The following EPAS1 variants were observed in gnomAD, a reference collection of about 807,000 sequenced individuals.
EPAS1 encodes the protein endothelial PAS domain protein 1.
In EPAS1, 23 loss-of-function variants were observed where a neutral mutation model predicts 87.9. That is an observed-to-expected ratio of 0.26 (90% CI 0.19 to 0.37). The LOEUF (loss-of-function observed/expected upper bound fraction) is 0.37, where lower values mean the gene tolerates loss of function less well. Among genes scored for constraint, EPAS1 ranks in the 10% least tolerant of loss-of-function variants. EPAS1 has a pLI of 1.00. For synonymous variants in EPAS1, 508 were observed against 444.3 expected, an observed-to-expected ratio of 1.14 and a Z score of -1.80; for missense variants, 1,138 against 1,120.7, an observed-to-expected ratio of 1.02 and a Z score of -0.22.
intron 1 of EPAS1, among the ~76,000 whole-genome samples, chr2:46,309,780 G>A (rs974788994): frequency 1.3e-5 from 2 of 152,218 alleles, no homozygotes; most frequent in African/African-American, 2.4e-5. Flanking sequence ...GGCCTGGGCT[G>A]GTGTTGGGAA....
chr2:46,369,413 T>C (rs1684575952), intron 6 of EPAS1, among the ~76,000 whole-genome samples: 1 of 152,216 alleles, frequency 6.6e-6, no homozygotes, highest in Admixed American at 6.5e-5. Flanking sequence ...CCAGTTTTCA[T>C]TCTTGCTCTG....
rs1370002195 is a variant in EPAS1, at chr2:46,378,712, T to A, written c.1499T>A (p.Val500Glu). ...TSLDNDLKIE[V>E]IEKLFAMDTE... ...TTGGATAACGACCTGAAGATTGAAG[T>A]GATTGAGAAGCTCTTCGCCATGGAC... Residue 500 changes from valine to glutamate, a missense_variant, in exon 11 of 16, where the codon GTG (valine) becomes GAG (glutamate). Physicochemically the swap from Val to Glu is moderately radical, Grantham distance 121. Coordinates refer to ENST00000263734, the MANE Select transcript of EPAS1 (RefSeq NM_001430.5). 1.9e-6 allele frequency: 3 copies of A among 1,614,122 alleles called. No individual in the cohort carries two copies. The highest frequency in any genetic ancestry group is 2.5e-6 in the Non-Finnish European group (3 of 1,180,008).
rs13006131 is a variant in EPAS1 at position 46,381,403 on chromosome 2, C to G, written c.2046-193C>G. ...CCAGGAGGCTTGAGCCCTTCAGCAT[C>G]TTATAGCTGAGGAAGGAGACAGAGC... On this transcript the variant is annotated intron_variant, in intron 12 of 15. Coordinates refer to ENST00000263734, the MANE Select transcript of EPAS1 (RefSeq NM_001430.5). 0.42 allele frequency: 345,421 copies of G among 816,310 alleles called. 79,988 individuals are homozygous for G. Among genetic ancestry groups the G allele is most frequent in the Non-Finnish European group, 0.5 (248,291 of 500,170 alleles). The allele number at this position is 816,310 out of a possible 1,614,324, so 50.6% of individuals were successfully genotyped here. A position where few individuals can be genotyped will look rare whatever the true frequency, so the allele number is the denominator to read the frequency against.
At chr2:46,301,733 C>T (rs1683004093) in intron 1 of EPAS1, among the ~76,000 whole-genome samples, 3 of 151,912 alleles carry the variant, frequency 2.0e-5, no homozygotes, top group African/African-American at 7.2e-5. Context: ...AACTCTCAAA[C>T]CGCTGAACCT....
chr2:46,326,138 C>G (rs888320317), intron 1 of EPAS1, among the ~76,000 whole-genome samples: 1 of 152,210 alleles, frequency 6.6e-6, no homozygotes. Context: ...TAGCCTAGTT[C>G]TCCCTCCTGT....
intron 1 of EPAS1, among the ~76,000 whole-genome samples, chr2:46,328,742 T>A (rs1558589221): frequency 6.6e-6 from 1 of 152,194 alleles, no homozygotes; most frequent in East Asian, 1.9e-4. Flanking sequence ...GGAGGACAGA[T>A]GGGGTCTTCA....
At chr2:46,384,444 G>T (rs1167009422) in intron 15 of EPAS1, 65 bp from the exon 16 acceptor site, 55 of 1,609,286 alleles carry the variant, frequency 3.4e-5, no homozygotes, top group Non-Finnish European at 4.6e-5. Context: ...CAGTCACAAA[G>T]AAGTAGACAC....
At chr2:46,372,303 G>A (rs1684643169) in intron 7 of EPAS1, among the ~76,000 whole-genome samples, 1 of 152,096 alleles carries the variant, frequency 6.6e-6, no homozygotes, top group Non-Finnish European at 1.5e-5. Flanking sequence ...CCTTGCCCCC[G>A]ACCCCTGTCT....
intron 1 of EPAS1, among the ~76,000 whole-genome samples, chr2:46,307,228 C>G (rs563532528): frequency 4.3e-4 from 65 of 152,246 alleles, no homozygotes; most frequent in Non-Finnish European, 8.7e-4. Context: ...CCTTGGTGCC[C>G]AGGGTGAAGG....
At chr2:46,361,831 G>T (rs1381539712) in intron 6 of EPAS1, among the ~76,000 whole-genome samples, 1 of 152,206 alleles carries the variant, frequency 6.6e-6, no homozygotes, top group Admixed American at 6.5e-5. Flanking sequence ...TGAAGCAGGT[G>T]GGGAAGAGAC....
intron 1 of EPAS1, among the ~76,000 whole-genome samples, chr2:46,314,807 C>T (rs1572616129): frequency 6.6e-6 from 1 of 152,196 alleles, no homozygotes; most frequent in South Asian, 2.1e-4. Context: ...ACTTGGAAGT[C>T]GCTGTTGGGC....
At chr2:46,363,469 T>TA (rs1684443278) in intron 6 of EPAS1, among the ~76,000 whole-genome samples, 1 of 152,188 alleles carries the variant, frequency 6.6e-6, no homozygotes, top group Admixed American at 6.5e-5. Flanking sequence ...CTGGAAGGGG[T>TA]AATTCAGCCT....
chr2:46,354,899 C>A (rs143452582), intron 2 of EPAS1, among the ~76,000 whole-genome samples: 121 of 152,240 alleles, frequency 7.9e-4, no homozygotes, highest in Middle Eastern at 3.4e-3. Flanking sequence ...AAGCTTGCTC[C>A]AGGTGTTTTC....
intron 1 of EPAS1, among the ~76,000 whole-genome samples, chr2:46,308,534 G>T (rs1195280184): frequency 5.3e-5 from 8 of 151,086 alleles, no homozygotes; most frequent in Admixed American, 1.3e-4. Flanking sequence ...TGTCCCTTGG[G>T]TTACTTGGAA....
intron 1 of EPAS1, among the ~76,000 whole-genome samples, chr2:46,308,020 C>G (rs80012431): frequency 6.9e-4 from 105 of 152,296 alleles, no homozygotes; most frequent in African/African-American, 2.4e-3. Flanking sequence ...ACCTTGCTGA[C>G]TGCAAGGGAC....
chr2:46,354,642 C>T (rs1404123046), intron 2 of EPAS1, among the ~76,000 whole-genome samples: 3 of 151,782 alleles, frequency 2.0e-5, no homozygotes, highest in Non-Finnish European at 4.4e-5. Context: ...GTACGGCCTG[C>T]TGAGAATGCA....
chr2:46,352,788 C>A (rs754756499), intron 2 of EPAS1, among the ~76,000 whole-genome samples: 2 of 152,226 alleles, frequency 1.3e-5, no homozygotes, highest in Non-Finnish European at 2.9e-5. Flanking sequence ...TCCTGGTCCT[C>A]CAGCCATTGT....
chr2:46,376,570 A>C lies in EPAS1; in HGVS notation c.1066A>C (p.Met356Leu). 1 of 1,614,156 alleles carries C rather than the reference A, an allele frequency of 6.2e-7. No individual in the cohort carries two copies. The highest frequency in any genetic ancestry group is 8.5e-7 in the Non-Finnish European group (1 of 1,180,014). The change falls in exon 9 of 16, where the codon ATG becomes CTG. Residue 356 changes from methionine (M) to leucine (L), a missense_variant. Transcript: ENST00000263734. ...TGAGAAGAATGACGTGGTGTTCTCC[A>C]TGGACCAGACTGAATCCCTGTTCAA... ...EIEKNDVVFS[M>L]DQTESLFKPH...
Position 46,312,673 on chromosome 2 carries a change from C to G in EPAS1, c.26+14736C>G, listed in dbSNP as rs58560465. On this transcript the variant is annotated intron_variant, in intron 1 of 15. Coordinates refer to ENST00000263734, the MANE Select transcript of EPAS1 (RefSeq NM_001430.5). ...CTCTTGCTCTCAGGCCTTTAAATTT[C>G]TTACCTGGCTGGGATTTTCAGAATT... is the stretch of plus-strand genomic sequence containing the variant. Among the ~76,000 whole-genome samples the G allele has an allele frequency of 1.6e-3, 250 of 152,240 alleles. 1 individual carries two copies. The highest frequency in any genetic ancestry group is 5.8e-3 in the African/African-American group (242 of 41,536).
Sources: gnomAD v4.1 joint callset for allele counts (sites outside exome capture counted in the v4.1 genomes callset) on GRCh38, gnomAD v4.1.1 for gene constraint, MANE v1.5 for transcripts, NCBI Gene and HGNC (gene_info 2026-07-23, HGNC 2026-07-21) for gene names.